Variants in NBDY observed in about 807,000 individuals in gnomAD.
NBDY encodes negative regulator of P-body association, also known as P-body dissociating protein.
intron 2 of NBDY, among the ~76,000 whole-genome samples, chrX:56,781,531 G>A: frequency 8.9e-6 from 1 of 112,167 alleles, no homozygotes; most frequent in Admixed American, 9.4e-5. Context: ...AGGGCTGTCA[G>A]CTTTCCATAT....
At chrX:56,738,650 G>C (rs1229974294) in intron 2 of NBDY, among the ~76,000 whole-genome samples, 1 of 111,691 alleles carries the variant, frequency 9.0e-6, no homozygotes, top group African/African-American at 3.3e-5. Flanking sequence ...CCCATTAACA[G>C]CCAGATGAAG....
chrX:56,809,760 G>A (rs759918558), intron 2 of NBDY, among the ~76,000 whole-genome samples: 5 of 112,232 alleles, frequency 4.5e-5, no homozygotes, highest in East Asian at 2.8e-4. Context: ...TACATTTAAG[G>A]TTAATATTGT....
chrX:56,806,763 T>C (rs1470484569), intron 2 of NBDY, among the ~76,000 whole-genome samples: 1 of 112,062 alleles, frequency 8.9e-6, no homozygotes, highest in East Asian at 2.8e-4. Context: ...ATTCTGTAGG[T>C]TGCCTTTTCA....
At chrX:56,814,458 T>G (rs1279804705) in intron 2 of NBDY, among the ~76,000 whole-genome samples, 1 of 110,814 alleles carries the variant, frequency 9.0e-6, no homozygotes, top group East Asian at 2.8e-4. Flanking sequence ...AATTTTCTTT[T>G]GCTTATTGTT....
intron 2 of NBDY, among the ~76,000 whole-genome samples, chrX:56,735,758 C>G (rs2069485462): frequency 9.0e-6 from 1 of 111,559 alleles, no homozygotes; most frequent in African/African-American, 3.3e-5. Flanking sequence ...TCTGAATAGA[C>G]AAATGCTTTT....
intron 2 of NBDY, among the ~76,000 whole-genome samples, chrX:56,744,668 T>G (rs2069547764): frequency 9.0e-6 from 1 of 111,567 alleles, no homozygotes. Flanking sequence ...TACAGAAAAG[T>G]CAAAAGATAT....
intron 1 of NBDY, among the ~76,000 whole-genome samples, chrX:56,731,120 T>C (rs1202283387): frequency 9.6e-6 from 1 of 104,501 alleles, no homozygotes; most frequent in Admixed American, 9.8e-5. Context: ...TGGTAATGCA[T>C]AGAAAAAAAA....
At chrX:56,806,018 TG>T (rs1192244356) in intron 2 of NBDY, among the ~76,000 whole-genome samples, 5 of 110,653 alleles carry the variant, frequency 4.5e-5, no homozygotes, top group Non-Finnish European at 9.4e-5. Flanking sequence ...CCCCTCCCTG[TG>T]TCCATGTGTT....
At chrX:56,791,966 G>T (rs2069766871) in intron 2 of NBDY, among the ~76,000 whole-genome samples, 1 of 104,737 alleles carries the variant, frequency 9.5e-6, no homozygotes. Context: ...CTCCTCCTCT[G>T]TCTCTTTTTT....
At chrX:56,729,659 TC>T in intron 1 of NBDY, 70 bp downstream of exon 1, 1 of 293,812 alleles carries the variant, frequency 3.4e-6, no homozygotes, top group Middle Eastern at 9.0e-4. Flanking sequence ...CAAATTTCCT[TC>T]CCCTTTTCCC....
intron 2 of NBDY, among the ~76,000 whole-genome samples, chrX:56,805,469 A>G (rs1045766234): frequency 2.7e-5 from 3 of 112,378 alleles, no homozygotes; most frequent in African/African-American, 9.7e-5. Flanking sequence ...CCCATTGTCT[A>G]GACAACTCTA....
At chrX:56,789,625 G>T (rs182140409) in intron 2 of NBDY, among the ~76,000 whole-genome samples, 1 of 111,680 alleles carries the variant, frequency 9.0e-6, no homozygotes, top group Non-Finnish European at 1.9e-5. Flanking sequence ...TCGGATGTTT[G>T]TTGAGATGGG....
Position 56,781,479 on chromosome X carries a change from G to T in NBDY, c.*167-35841G>T, listed in dbSNP as rs955579631. 2.7e-5 allele frequency among the ~76,000 whole-genome samples: 3 copies of T among 111,528 alleles called. No individual in the cohort carries two copies. In the East Asian group the frequency reaches 8.5e-4, roughly 32 times the overall value. The stretch of plus-strand genomic sequence containing the variant: ...ATTTAGGGGCTTATGCTTTCTTCTG[G>T]CTGGCGCCTTATCCTGTGTGAGGAC... On this transcript the variant is annotated intron_variant, in intron 2 of 2. Transcript: ENST00000374922.
At chrX:56,797,504 CCTT>C (rs1482467955) in intron 2 of NBDY, among the ~76,000 whole-genome samples, 4 of 110,444 alleles carry the variant, frequency 3.6e-5, no homozygotes, top group Admixed American at 9.8e-5. Flanking sequence ...CCAGTTCAGT[CCTT>C]CTTTTCCACC....
chrX:56,790,110 A>T (rs899529760), intron 2 of NBDY, among the ~76,000 whole-genome samples: 1 of 111,969 alleles, frequency 8.9e-6, no homozygotes, highest in Non-Finnish European at 1.9e-5. Flanking sequence ...CTCCAGGAAG[A>T]CATAAGAAAG....
intron 2 of NBDY, among the ~76,000 whole-genome samples, chrX:56,797,762 C>T (rs773653218): frequency 9.0e-6 from 1 of 111,180 alleles, no homozygotes; most frequent in Non-Finnish European, 1.9e-5. Flanking sequence ...TGCCATGTGC[C>T]AATTTGCCCA....
intron 2 of NBDY, among the ~76,000 whole-genome samples, chrX:56,794,728 C>G (rs754673514): frequency 1.8e-5 from 2 of 112,212 alleles, no homozygotes; most frequent in Non-Finnish European, 3.8e-5. Context: ...TGAATCTGCA[C>G]AGGTCTCCTA....
intron 2 of NBDY, among the ~76,000 whole-genome samples, chrX:56,791,787 T>C (rs966032542): frequency 9.0e-6 from 1 of 110,591 alleles, no homozygotes; most frequent in Non-Finnish European, 1.9e-5. Flanking sequence ...TTTTTTTCTT[T>C]AATTTTCCTT....
At chrX:56,766,468 CCACA>C (rs1387161623) in intron 2 of NBDY, among the ~76,000 whole-genome samples, 1 of 111,366 alleles carries the variant, frequency 9.0e-6, no homozygotes, top group Non-Finnish European at 1.9e-5. Context: ...TTACACATAC[CCACA>C]CAAACACACA....
Sources: gnomAD v4.1 joint callset for allele counts (sites outside exome capture counted in the v4.1 genomes callset) on GRCh38, gnomAD v4.1.1 for gene constraint, MANE v1.5 for transcripts, NCBI Gene and HGNC (gene_info 2026-07-23, HGNC 2026-07-21) for gene names.